MYOF: variants seen among roughly 807,000 people sequenced by gnomAD.
MYOF encodes the protein fer-1-like 3, myoferlin.
Under a neutral mutation model 284.2 loss-of-function variants are expected in MYOF, and 244 were observed. The ratio of observed to expected loss-of-function variants is 0.86; its 90% CI spans 0.77 to 0.95. MYOF has a LOEUF of 0.95. Ranked by LOEUF, MYOF falls within the 40% of genes least tolerant of loss-of-function variation. MYOF has a pLI of 0.00. For synonymous variants in MYOF, 904 were observed against 919.7 expected (o/e 0.98, Z 0.31); for missense variants, 2,496 against 2,560.6 (o/e 0.97, Z 0.54).
intron 5 of MYOF, among the ~76,000 whole-genome samples, chr10:93,422,648 T>C (rs1038430931): frequency 2.6e-5 from 4 of 152,016 alleles, no homozygotes; most frequent in Non-Finnish European, 5.9e-5. Flanking sequence ...AATACAAAAT[T>C]AGCCGGGCAT....
At chr10:93,412,810 ACTG>A (rs1448945003) in intron 5 of MYOF, among the ~76,000 whole-genome samples, 2 of 152,154 alleles carry the variant, frequency 1.3e-5, no homozygotes, top group African/African-American at 4.8e-5. Context: ...TGGAAAAACT[ACTG>A]AACAACTCTC....
rs193088691 is a variant in MYOF at position 93,425,463 on chromosome 10, C to T, written c.433+608G>A. Among the ~76,000 whole-genome samples the T allele has an allele frequency of 1.3e-3, 193 of 152,286 alleles. No individual in the cohort carries two copies. The Middle Eastern group carries it at 0.017, about 13-fold the overall frequency. Reference sequence around the variant, plus strand: ...AGGCCCTCCCTCCCTGAGCCCTCAGCCCCAACCCCACCTAGACTGGCACCT... The same window carrying T: ...AGGCCCTCCCTCCCTGAGCCCTCAGTCCCAACCCCACCTAGACTGGCACCT... On this transcript the variant is annotated intron_variant, in intron 5 of 53. Transcript: ENST00000359263.
At chr10:93,331,322 G>T (rs886785508) in intron 43 of MYOF, among the ~76,000 whole-genome samples, 23 of 151,226 alleles carry the variant, frequency 1.5e-4, no homozygotes, top group Admixed American at 1.3e-4. Context: ...TGCAGAGCCG[G>T]CATCTCCTTG....
chr10:93,397,138 T>A, intron 15 of MYOF, 109 bp downstream of exon 15: 9 of 907,116 alleles, frequency 9.9e-6, no homozygotes. Context: ...ATTTATCCTC[T>A]CCTCTGGAAG....
chr10:93,432,333 A>G (rs1028089178), intron 3 of MYOF, among the ~76,000 whole-genome samples: 6 of 152,022 alleles, frequency 3.9e-5, no homozygotes, highest in African/African-American at 1.5e-4. Flanking sequence ...GCTTGCAGTG[A>G]GCTATGATTG....
intron 1 of MYOF, among the ~76,000 whole-genome samples, chr10:93,460,767 C>CAAAA (rs757591863): frequency 1.4e-3 from 35 of 25,318 alleles, no homozygotes; most frequent in East Asian, 3.9e-3. Flanking sequence ...ACCCCATCTC[C>CAAAA]AAAAAAAAAA....
intron 53 of MYOF, 152 bp downstream of exon 53, chr10:93,309,868 A>G: frequency 1.1e-6 from 1 of 898,734 alleles, no homozygotes; most frequent in South Asian, 2.2e-5. Context: ...TACAAGACAC[A>G]TTACTTTAAA....
chr10:93,450,038 A>T (rs1277965033), intron 3 of MYOF, among the ~76,000 whole-genome samples: 1 of 151,858 alleles, frequency 6.6e-6, no homozygotes, highest in East Asian at 2.0e-4. Context: ...TGGACAGATC[A>T]GTTGAGGCCA....
At chr10:93,314,457 G>A (rs144204663) in intron 50 of MYOF, among the ~76,000 whole-genome samples, 1 of 152,320 alleles carries the variant, frequency 6.6e-6, no homozygotes, top group East Asian at 1.9e-4. Flanking sequence ...ACTCCTGTGA[G>A]CCCTTTCCTT....
At chr10:93,431,552 G>A (rs1848871693) in intron 3 of MYOF, 36 bp from the exon 4 acceptor site, 1 of 1,519,162 alleles carries the variant, frequency 6.6e-7, no homozygotes, top group Non-Finnish European at 9.1e-7. Flanking sequence ...AGCAGCCTAA[G>A]TAGGAGATAG....
At chr10:93,472,418 C>A (rs1426937540) in intron 1 of MYOF, among the ~76,000 whole-genome samples, 1 of 152,144 alleles carries the variant, frequency 6.6e-6, no homozygotes, top group Non-Finnish European at 1.5e-5. Flanking sequence ...GTGGGCAGAT[C>A]ACTTGAGGTC....
intron 2 of MYOF, among the ~76,000 whole-genome samples, chr10:93,453,924 T>C (rs2134314423): frequency 6.6e-6 from 1 of 152,208 alleles, no homozygotes; most frequent in East Asian, 1.9e-4. Context: ...GGCTCATGCC[T>C]GTAATCCCAG....
At chr10:93,340,833 G>A (rs945453661) in intron 38 of MYOF, among the ~76,000 whole-genome samples, 3 of 152,124 alleles carry the variant, frequency 2.0e-5, no homozygotes, top group East Asian at 1.9e-4. Context: ...AACTGGGAAG[G>A]GGGGCTTGAA....
intron 1 of MYOF, among the ~76,000 whole-genome samples, chr10:93,466,429 GA>G (rs1428593696): frequency 1.3e-5 from 2 of 152,194 alleles, no homozygotes; most frequent in African/African-American, 4.8e-5. Flanking sequence ...TGGCCTCTGG[GA>G]ATGACCTTTC....
At chr10:93,463,551 C>G (rs1466774942) in intron 1 of MYOF, among the ~76,000 whole-genome samples, 5 of 151,672 alleles carry the variant, frequency 3.3e-5, no homozygotes, top group African/African-American at 1.2e-4. Context: ...AGGTGCCCAC[C>G]ACCATGCCCG....
At chr10:93,452,292 C>A (rs2056614782) in intron 2 of MYOF, 151 bp from the exon 3 acceptor site, 2 of 653,102 alleles carry the variant, frequency 3.1e-6, no homozygotes, top group South Asian at 3.7e-5. Flanking sequence ...AAATTCTAAA[C>A]CTGAAGGCAG....
intron 35 of MYOF, among the ~76,000 whole-genome samples, chr10:93,350,260 C>T (rs1356648881): frequency 6.6e-6 from 1 of 152,100 alleles, no homozygotes; most frequent in Non-Finnish European, 1.5e-5. Context: ...CATCTACAAA[C>T]AAGACTGATC....
intron 19 of MYOF, 29 bp from the exon 20 acceptor site, chr10:93,381,425 A>C (rs772444728): frequency 2.5e-5 from 41 of 1,608,466 alleles, no homozygotes; most frequent in Non-Finnish European, 3.3e-5. Flanking sequence ...CATAAGGTTC[A>C]GTGAAAGGCC....
In MYOF at chr10:93,369,660, G is replaced by A. The variant is rs772023999; in HGVS notation, c.2574C>T (p.Thr858=). The change falls in exon 25 of 54, where the codon ACC becomes ACT. Residue 858 remains threonine (T), a synonymous_variant. Coordinates refer to ENST00000359263, the MANE Select transcript of MYOF (RefSeq NM_013451.4). ...TTAAAGGTACCATTTCAGCAAAGAC[G>A]GTGAAAGTTCCTTCTGCGAAGCTGT... ...KFNSFAEGTF[T]VFAEMYENQA... The A allele has an allele frequency of 6.8e-6, 11 of 1,614,032 alleles. No homozygotes were observed. The highest frequency in any genetic ancestry group is 4.4e-5 in the South Asian group (4 of 91,076).
Sources: allele counts gnomAD v4.1 joint callset (sites outside exome capture counted in the v4.1 genomes callset), GRCh38; gene constraint gnomAD v4.1.1; transcripts MANE v1.5; gene names NCBI Gene and HGNC (gene_info 2026-07-23, HGNC 2026-07-21).